TAFA1: variants seen among roughly 807,000 people sequenced by gnomAD.
The protein encoded by TAFA1 is chemokine-like protein TAFA-1.
Under a neutral mutation model 18.5 loss-of-function variants are expected in TAFA1, and 4 were observed. The observed-to-expected ratio is 0.22, with a 90% CI of 0.11 to 0.49. The LOEUF (loss-of-function observed/expected upper bound fraction) is 0.49. Ranked by LOEUF, TAFA1 falls within the 20% of genes least tolerant of loss-of-function variation. TAFA1 has a pLI of 0.98. For synonymous variants in TAFA1, 56 were observed against 55.2 expected (o/e 1.01, Z -0.06); for missense variants, 147 against 169.0 (o/e 0.87, Z 0.72).
chr3:68,097,462 C>G (rs891786549), intron 2 of TAFA1, among the ~76,000 whole-genome samples: 4 of 152,226 alleles, frequency 2.6e-5, no homozygotes, highest in African/African-American at 7.2e-5. Flanking sequence ...AAACACTTCT[C>G]ATTTGTCCTA....
intron 2 of TAFA1, among the ~76,000 whole-genome samples, chr3:68,408,107 T>C (rs1250753803): frequency 1.3e-5 from 2 of 151,876 alleles, no homozygotes; most frequent in East Asian, 3.9e-4. Flanking sequence ...TAAAAGTGAC[T>C]CTGAAAAAAA....
At chr3:68,040,995 A>G (rs1443588208) in intron 2 of TAFA1, among the ~76,000 whole-genome samples, 2 of 152,182 alleles carry the variant, frequency 1.3e-5, no homozygotes, top group African/African-American at 4.8e-5. Context: ...CAACTCTAAG[A>G]TACGTAACAT....
intron 2 of TAFA1, among the ~76,000 whole-genome samples, chr3:68,149,759 C>T (rs1490705649): frequency 6.6e-6 from 1 of 152,192 alleles, no homozygotes; most frequent in African/African-American, 2.4e-5. Context: ...AACTTCAAAA[C>T]TTTAGCAGAG....
At chr3:68,221,699 A>T (rs981545208) in intron 2 of TAFA1, among the ~76,000 whole-genome samples, 1 of 152,206 alleles carries the variant, frequency 6.6e-6, no homozygotes, top group Non-Finnish European at 1.5e-5. Context: ...AAGGTTCAAT[A>T]GTATTGCAAC....
At chr3:68,386,922 GA>G (rs1341066286) in intron 2 of TAFA1, among the ~76,000 whole-genome samples, 2 of 152,100 alleles carry the variant, frequency 1.3e-5, no homozygotes, top group Non-Finnish European at 2.9e-5. Flanking sequence ...CTTTAGTTTA[GA>G]AAGAAAGATC....
Position 68,417,295 on chromosome 3 carries a change from A to T in TAFA1, c.134A>T (p.Glu45Val). ...CTCTTGCCAGAAGGAGGGACGTGTG[A>T]AGTGATAGCAGCACACCGATGTTGT... ...HLHRPEGGTCEVIAAHRCCNK... is the reference protein window; with the variant it reads ...HLHRPEGGTCVVIAAHRCCNK... Residue 45 changes from glutamate to valine, a missense_variant, in exon 3 of 5, where the codon GAA (glutamate) becomes GTA (valine). Glu to Val is a moderately radical substitution (Grantham distance 121). Coordinates refer to ENST00000478136, the MANE Select transcript of TAFA1 (RefSeq NM_213609.4). 1 of 1,613,120 alleles carries T rather than the reference A, an allele frequency of 6.2e-7. No individual in the cohort carries two copies. Among genetic ancestry groups the T allele is most frequent in the Non-Finnish European group, 8.5e-7 (1 of 1,179,440 alleles).
At chr3:68,119,189 T>C (rs1477859480) in intron 2 of TAFA1, among the ~76,000 whole-genome samples, 1 of 152,136 alleles carries the variant, frequency 6.6e-6, no homozygotes, top group African/African-American at 2.4e-5. Context: ...TGGAGAAACA[T>C]CTGTTCAAGT....
At chr3:68,514,675 C>A (rs2072895881) in intron 3 of TAFA1, among the ~76,000 whole-genome samples, 1 of 149,396 alleles carries the variant, frequency 6.7e-6, no homozygotes, top group Non-Finnish European at 1.5e-5. Context: ...AAAATGCTAC[C>A]AACAGGCCTA....
chr3:68,333,633 A>T (rs575587394), intron 2 of TAFA1, among the ~76,000 whole-genome samples: 47 of 152,320 alleles, frequency 3.1e-4, no homozygotes, highest in Middle Eastern at 3.4e-3. Flanking sequence ...ACAGTTTTTT[A>T]AAAAATAGAA....
rs1460819083 is a variant in TAFA1 at position 68,261,399 on chromosome 3, G to A, written c.119-155881G>A. On this transcript the variant is annotated intron_variant, in intron 2 of 4. Coordinates refer to ENST00000478136, the MANE Select transcript of TAFA1 (RefSeq NM_213609.4). ...AGAACTAGAAATACCATTTGACCCA[G>A]CCATCCCATTACTGGGTATATACCC... 4.6e-5 allele frequency among the ~76,000 whole-genome samples: 7 copies of A among 152,158 alleles called. No individual in the cohort carries two copies. The East Asian group carries it at 1.3e-3, about 29-fold the overall frequency.
intron 3 of TAFA1, among the ~76,000 whole-genome samples, chr3:68,506,456 A>AAC (rs55865833): frequency 0.21 from 30,440 of 147,426 alleles, 3,152 homozygotes; most frequent in Non-Finnish European, 0.23. Flanking sequence ...GGGTGTGTTC[A>AAC]ACACACACAC....
At chr3:68,336,190 A>G (rs1387079301) in intron 2 of TAFA1, among the ~76,000 whole-genome samples, 1 of 152,200 alleles carries the variant, frequency 6.6e-6, no homozygotes, top group African/African-American at 2.4e-5. Context: ...AATATATGTA[A>G]AAGGCACCTA....
intron 2 of TAFA1, among the ~76,000 whole-genome samples, chr3:68,163,652 G>C (rs2065950899): frequency 6.6e-6 from 1 of 152,146 alleles, no homozygotes; most frequent in South Asian, 2.1e-4. Flanking sequence ...TGTTTTGTTT[G>C]TATTCCCTTT....
At position 68,053,801 on chromosome 3, in the gene TAFA1, T is replaced by C. The variant is rs553106388; in HGVS notation, c.118+47057T>C. On this transcript the variant is annotated intron_variant, in intron 2 of 4. Coordinates refer to ENST00000478136, the MANE Select transcript of TAFA1 (RefSeq NM_213609.4). ...TCACTGCAGCCTTGAACTTCCGGGC[T>C]CAAGCCATCCTCCTGCCTCAGCCTC... Among the ~76,000 whole-genome samples the C allele has an allele frequency of 2.7e-3, 412 of 152,284 alleles. 3 individuals carry two copies. Among genetic ancestry groups the C allele is most frequent in the African/African-American group, 9.2e-3 (381 of 41,560 alleles).
chr3:68,218,327 G>A lies in TAFA1; in HGVS notation c.119-198953G>A, dbSNP rs186285941. On this transcript the variant is annotated intron_variant, in intron 2 of 4. Transcript: ENST00000478136. ...TTATAGCATGTTTTGATGTAATGAT[G>A]TACTTAGAAGGATCAAATGTAATTT... 1.1e-4 allele frequency among the ~76,000 whole-genome samples: 17 copies of A among 152,180 alleles called. No individual in the cohort carries two copies. In the East Asian group the frequency reaches 3.3e-3, roughly 30 times the overall value.
At position 68,251,336 on chromosome 3, in the gene TAFA1, A is replaced by G. The variant is rs558600543; in HGVS notation, c.119-165944A>G. ...TTAGCTACTTAAAAAAAAGTTTGCT[A>G]TGGCTATATGCTAAGTACTAAGACA... On this transcript the variant is annotated intron_variant, in intron 2 of 4. Coordinates refer to ENST00000478136, the MANE Select transcript of TAFA1 (RefSeq NM_213609.4). Among the ~76,000 whole-genome samples the G allele has an allele frequency of 1.4e-3, 213 of 152,332 alleles. 1 individual carries two copies. The highest frequency in any genetic ancestry group is 4.9e-3 in the African/African-American group (204 of 41,580).
chr3:68,162,067 GA>G (rs2065931524), intron 2 of TAFA1, among the ~76,000 whole-genome samples: 1 of 152,170 alleles, frequency 6.6e-6, no homozygotes, highest in South Asian at 2.1e-4. Flanking sequence ...GCTCTTTATA[GA>G]AAACATTTGC....
chr3:68,108,820 A>C (rs2065233114), intron 2 of TAFA1, among the ~76,000 whole-genome samples: 1 of 152,126 alleles, frequency 6.6e-6, no homozygotes, highest in Non-Finnish European at 1.5e-5. Flanking sequence ...TGTAAATGAA[A>C]TACTAAAAAC....
intron 2 of TAFA1, among the ~76,000 whole-genome samples, chr3:68,357,005 G>A (rs1289718552): frequency 6.6e-6 from 1 of 151,830 alleles, no homozygotes; most frequent in Non-Finnish European, 1.5e-5. Context: ...TAGAAGACAG[G>A]TGAACAAAAC....
Sources: allele counts gnomAD v4.1 joint callset (sites outside exome capture counted in the v4.1 genomes callset), GRCh38; gene constraint gnomAD v4.1.1; transcripts MANE v1.5; gene names NCBI Gene and HGNC (gene_info 2026-07-23, HGNC 2026-07-21).